MYO7A: variants seen among roughly 807,000 people sequenced by gnomAD.
MYO7A encodes the protein myosin VIIA.
Under a neutral mutation model 263.8 loss-of-function variants are expected in MYO7A, and 210 were observed. The ratio of observed to expected loss-of-function variants is 0.80; its 90% CI spans 0.71 to 0.89. The LOEUF (loss-of-function observed/expected upper bound fraction) is 0.89. Ranked by LOEUF, MYO7A falls within the 40% of genes least tolerant of loss-of-function variation. The pLI, the probability that MYO7A is intolerant of heterozygous loss-of-function variation, is 0.00. For synonymous variants in MYO7A, 1,239 were observed against 1,197.3 expected (o/e 1.03, Z -0.72); for missense variants, 2,820 against 2,968.3 (o/e 0.95, Z 1.16).
In MYO7A at chr11:77,156,787, A is replaced by C; in HGVS notation, c.592+6A>C. 1 of 1,613,988 alleles carries C rather than the reference A, an allele frequency of 6.2e-7. No homozygotes were observed. The highest frequency in any genetic ancestry group is 8.5e-7 in the Non-Finnish European group (1 of 1,179,868). On this transcript the variant is annotated splice_donor_region_variant and intron_variant, in intron 6 of 48. Coordinates refer to ENST00000409709, the MANE Select transcript of MYO7A (RefSeq NM_000260.4). ...GGCCACCCCCATTCTGGAAGGTAGG[A>C]CCAGAGTTCCGAGGGTGGGACCAGG...
In MYO7A at chr11:77,179,166, C is replaced by T. The variant is rs782640603; in HGVS notation, c.2367+37C>T. The T allele has an allele frequency of 2.6e-6, 4 of 1,541,268 alleles. No homozygotes were observed. The East Asian group carries it at 7.1e-5, about 27-fold the overall frequency. On this transcript the variant is annotated intron_variant, in intron 20 of 48. Coordinates refer to ENST00000409709, the MANE Select transcript of MYO7A (RefSeq NM_000260.4). ...CATGGGCTGCTCTTGCCCAAACAGG[C>T]CTTTGAACCCAGCCTTGCTGCCATG...
In MYO7A at chr11:77,211,929, G is replaced by T. The variant is rs781592754; in HGVS notation, c.6346G>T (p.Glu2116Ter). 1.2e-6 allele frequency: 2 copies of T among 1,613,046 alleles called. No individual in the cohort carries two copies. Among genetic ancestry groups the T allele is most frequent in the African/African-American group, 2.7e-5 (2 of 74,900 alleles). ...KWPTFGSAFF[E>*]VKQTTEPNFP... ...GCCCACCTTTGGCTCAGCCTTCTTC[G>T]AGGTGAAGGTACACCATGGGCTTCT... The change falls in exon 46 of 49, where the codon GAG becomes TAG. Residue 2116 changes from glutamate to a stop codon, truncating the protein, a stop_gained. Coordinates refer to ENST00000409709, the MANE Select transcript of MYO7A (RefSeq NM_000260.4). LOFTEE classifies it high-confidence loss of function.
chr11:77,188,612 GAGA>G (rs1191543816), intron 27 of MYO7A, among the ~76,000 whole-genome samples: 1 of 150,624 alleles, frequency 6.6e-6, no homozygotes, highest in African/African-American at 2.5e-5. Context: ...GTTTGCAGAA[GAGA>G]AGAACAAGCC....
chr11:77,208,621 C>T (rs1372160012), intron 43 of MYO7A, 76 bp from the exon 44 acceptor site: 1 of 1,500,332 alleles, frequency 6.7e-7, no homozygotes, highest in African/African-American at 1.4e-5. Flanking sequence ...TGAGGGCCTC[C>T]TCTGGGTCTG....
rs576213482 is a variant in MYO7A, at chr11:77,179,393, C to A, written c.2367+264C>A. On this transcript the variant is annotated intron_variant, in intron 20 of 48. Coordinates refer to ENST00000409709, the MANE Select transcript of MYO7A (RefSeq NM_000260.4). ...AGCACTCTGGGATTATTAGAGATCT[C>A]AGACAGGGTGAGAGTGGCTGGGTCA... Among the ~76,000 whole-genome samples, 106 of 152,200 alleles carry A rather than the reference C, an allele frequency of 7.0e-4. 1 individual carries two copies. Among genetic ancestry groups the A allele is most frequent in the Non-Finnish European group, 1.4e-3 (93 of 68,036 alleles).
At chr11:77,140,058 G>C (rs1389254427) in intron 2 of MYO7A, among the ~76,000 whole-genome samples, 2 of 152,224 alleles carry the variant, frequency 1.3e-5, no homozygotes, top group East Asian at 3.8e-4. Context: ...TTGTAGTCAT[G>C]TCTGTTTGCT....
chr11:77,194,315 G>A (rs779162586), intron 31 of MYO7A, 39 bp from the exon 32 acceptor site: 11 of 1,592,724 alleles, frequency 6.9e-6, no homozygotes, highest in East Asian at 2.3e-5. Context: ...TCCTGGAGGG[G>A]CCTGGGCCAA....
chr11:77,196,094 C>G (rs547586199), intron 32 of MYO7A, among the ~76,000 whole-genome samples: 1 of 152,330 alleles, frequency 6.6e-6, no homozygotes, highest in East Asian at 1.9e-4. Flanking sequence ...CTGGGCCAGG[C>G]GCGGTGGCTC....
intron 6 of MYO7A, 38 bp downstream of exon 6, chr11:77,156,819 G>A (rs782420779): frequency 6.2e-7 from 1 of 1,613,946 alleles, no homozygotes; most frequent in Admixed American, 1.7e-5. Flanking sequence ...CAGGCAGTGG[G>A]GCGGGAGCGG....
intron 36 of MYO7A, 61 bp from the exon 37 acceptor site, chr11:77,202,229 GGGTATACCAT>G: frequency 6.6e-7 from 1 of 1,504,220 alleles, no homozygotes; most frequent in Non-Finnish European, 8.9e-7. Context: ...GAAGGCTTCA[GGGTATACCAT>G]GTTGATCCTG....
chr11:77,197,385 C>G, intron 32 of MYO7A, 96 bp from the exon 33 acceptor site: 1 of 913,014 alleles, frequency 1.1e-6, no homozygotes, highest in South Asian at 1.7e-5. Context: ...TGCAGGAGCC[C>G]CAGGCTGCTC....
intron 48 of MYO7A, 139 bp downstream of exon 48, chr11:77,214,118 A>G: frequency 8.1e-7 from 1 of 1,234,240 alleles, no homozygotes; most frequent in Non-Finnish European, 1.1e-6. Flanking sequence ...GGCCAAGGTC[A>G]GGTCAGTTTG....
In MYO7A at chr11:77,214,637, T is replaced by G; in HGVS notation, c.6589T>G (p.Tyr2197Asp). The part of the protein sequence containing the change: ...GYKMDDLLTS[Y>D]ISQMLTAMSK... ...CAAGATGGATGACCTCCTGACTTCC[T>G]ACATTAGCCAGATGCTCACAGCCAT... is the stretch of plus-strand genomic sequence containing the variant. The change falls in exon 49 of 49, where the codon TAC (tyrosine) becomes GAC (aspartate). Residue 2197 changes from tyrosine (Y) to aspartate (D), a missense_variant. Tyr to Asp is a radical substitution (Grantham distance 160, BLOSUM62 -3). Coordinates refer to ENST00000409709, the MANE Select transcript of MYO7A (RefSeq NM_000260.4). 1.3e-6 allele frequency: 2 copies of G among 1,587,686 alleles called. No individual in the cohort carries two copies. Among genetic ancestry groups the G allele is most frequent in the South Asian group, 1.2e-5 (1 of 86,636 alleles).
Position 77,189,534 on chromosome 11 carries a change from G to GA in MYO7A, c.3630+65dup. The GA allele has an allele frequency of 1.9e-6, 3 of 1,596,866 alleles. No homozygotes were observed. The African/African-American group carries it at 4.0e-5, about 21-fold the overall frequency. ...CTAGGCCCTGTCCCAGCACTGTGGG[G>GA]AGAGCAATAGCCAGGGGCTCCAAAG... On this transcript the variant is annotated intron_variant, in intron 28 of 48. Transcript: ENST00000409709.
chr11:77,182,749 C>T (rs1955357498), intron 25 of MYO7A, 149 bp downstream of exon 25: 1 of 883,272 alleles, frequency 1.1e-6, no homozygotes, highest in East Asian at 2.6e-5. Context: ...CCTTTGTCTA[C>T]TTGTGGGAAC....
intron 27 of MYO7A, 97 bp downstream of exon 27, chr11:77,184,812 T>A: frequency 6.5e-7 from 1 of 1,548,530 alleles, no homozygotes; most frequent in Non-Finnish European, 8.8e-7. Context: ...CAAGCAGGCC[T>A]GGGTTTGGCT....
chr11:77,189,964 C>T, intron 28 of MYO7A, 56 bp from the exon 29 acceptor site: 2 of 1,463,672 alleles, frequency 1.4e-6, no homozygotes, highest in Non-Finnish European at 1.8e-6. Flanking sequence ...GGCGGCTGCC[C>T]TCAAAATCCA....
In MYO7A at chr11:77,207,088, A is replaced by G. The variant is rs573108178; in HGVS notation, c.5743-201A>G. ...GACGCCAAGGCCACCTTCTGCTTGG[A>G]GAGTCGGGAGGAGGAGACCTGGGAA... On this transcript the variant is annotated intron_variant, in intron 41 of 48. Transcript: ENST00000409709. 9.8e-4 allele frequency: 477 copies of G among 485,820 alleles called. 3 individuals are homozygous for G. Among genetic ancestry groups the G allele is most frequent in the South Asian group, 1.5e-3 (44 of 29,764 alleles). The allele number at this position is 485,820 out of a possible 1,614,324, so 30.1% of individuals were successfully genotyped here. A position where few individuals can be genotyped will look rare whatever the true frequency, so the allele number is the denominator to read the frequency against.
intron 15 of MYO7A, among the ~76,000 whole-genome samples, chr11:77,169,616 C>G (rs550227398): frequency 1.2e-4 from 18 of 152,326 alleles, no homozygotes; most frequent in Non-Finnish European, 1.5e-4. Flanking sequence ...GCCTTTCCCC[C>G]CAATGAAATA....
Sources: allele counts gnomAD v4.1 joint callset (sites outside exome capture counted in the v4.1 genomes callset), GRCh38; gene constraint gnomAD v4.1.1; transcripts MANE v1.5; gene names NCBI Gene and HGNC (gene_info 2026-07-23, HGNC 2026-07-21).